Variants in AGMO observed in about 807,000 individuals in gnomAD.
AGMO encodes the protein glyceryl-ether monooxygenase.
In AGMO, 75 loss-of-function variants were observed where a neutral mutation model predicts 60.2. The ratio of observed to expected loss-of-function variants is 1.25; its 90% confidence interval spans 1.03 to 1.51. The LOEUF is 1.51. Among genes scored for constraint, AGMO ranks in the 40% most tolerant of loss-of-function variants. The pLI is 0.00. For missense variants in AGMO, 763 were observed against 525.5 expected, an observed-to-expected ratio of 1.45 and a Z score of -4.42; for synonymous variants, 261 against 177.1, an observed-to-expected ratio of 1.47 and a Z score of -3.76.
At chr7:15,457,574 C>A (rs1023935541) in intron 3 of AGMO, among the ~76,000 whole-genome samples, 8 of 152,152 alleles carry the variant, frequency 5.3e-5, no homozygotes, top group African/African-American at 1.9e-4. Flanking sequence ...TACAGGACTG[C>A]TTACAGCAAA....
intron 12 of AGMO, among the ~76,000 whole-genome samples, chr7:15,364,551 G>C (rs765082801): frequency 9.2e-5 from 14 of 151,822 alleles, no homozygotes; most frequent in Non-Finnish European, 1.8e-4. Context: ...CTAATCTTAC[G>C]TCATGACAAA....
intron 12 of AGMO, among the ~76,000 whole-genome samples, chr7:15,256,994 G>A (rs1346251291): frequency 2.0e-5 from 3 of 152,106 alleles, no homozygotes; most frequent in East Asian, 1.9e-4. Flanking sequence ...ACAAAGAGGT[G>A]CATTTCTTTT....
At position 15,375,337 on chromosome 7, in the gene AGMO, G is replaced by C. The variant is rs147156691; in HGVS notation, c.1075-9115C>G. Among the ~76,000 whole-genome samples the C allele has an allele frequency of 2.0e-3, 299 of 149,372 alleles. 3 individuals carry two copies. The East Asian group carries it at 0.037, about 19-fold the overall frequency. On this transcript the variant is annotated intron_variant, in intron 10 of 12. Coordinates refer to ENST00000342526, the MANE Select transcript of AGMO (RefSeq NM_001004320.2). Reference sequence around the variant, plus strand: ...ATTTTCCAAAATACAGAAGAGAAAAGATGTTAAAAGACTGTTTCAGAGACA... The same window carrying C: ...ATTTTCCAAAATACAGAAGAGAAAACATGTTAAAAGACTGTTTCAGAGACA...
chr7:15,499,490 AAT>A (rs1445069505), intron 3 of AGMO, among the ~76,000 whole-genome samples: 2 of 151,884 alleles, frequency 1.3e-5, no homozygotes, highest in Non-Finnish European at 2.9e-5. Flanking sequence ...AAAGCTCAAC[AAT>A]ACACACTTTT....
intron 5 of AGMO, among the ~76,000 whole-genome samples, chr7:15,402,405 T>C (rs1175343881): frequency 6.6e-6 from 1 of 151,620 alleles, no homozygotes; most frequent in East Asian, 1.9e-4. Context: ...TGTGTGCATA[T>C]GTACAAAAAT....
At chr7:15,422,306 T>C (rs1780947662) in intron 4 of AGMO, among the ~76,000 whole-genome samples, 1 of 151,876 alleles carries the variant, frequency 6.6e-6, no homozygotes, top group Non-Finnish European at 1.5e-5. Context: ...GATCTTACTA[T>C]ATTTATGGCT....
At chr7:15,510,527 C>CAT (rs201922034) in intron 3 of AGMO, among the ~76,000 whole-genome samples, 1,154 of 109,464 alleles carry the variant, frequency 0.011, 17 homozygotes, top group African/African-American at 0.036. Context: ...GAGATGCTGT[C>CAT]ATATATATAT....
chr7:15,140,063 T>TA, the AGMO span, among the ~76,000 whole-genome samples: 6 of 150,868 alleles, frequency 4.0e-5, no homozygotes, highest in South Asian at 1.2e-3. Context: ...AATTATATAT[T>TA]AACTATAGGA....
At chr7:15,195,255 A>T in the AGMO span, among the ~76,000 whole-genome samples, 1 of 152,198 alleles carries the variant, frequency 6.6e-6, no homozygotes, top group South Asian at 2.1e-4. Context: ...AAGGACATGG[A>T]AACACAAAAG....
At chr7:15,219,446 G>C (rs1484397224) in intron 12 of AGMO, among the ~76,000 whole-genome samples, 2 of 151,982 alleles carry the variant, frequency 1.3e-5, no homozygotes, top group South Asian at 2.1e-4. Context: ...CAGGAGGAAG[G>C]AAAGTTTTGG....
intron 12 of AGMO, among the ~76,000 whole-genome samples, chr7:15,216,013 A>T (rs755019744): frequency 1.3e-5 from 2 of 152,096 alleles, no homozygotes; most frequent in Non-Finnish European, 2.9e-5. Flanking sequence ...GTAACAAGCC[A>T]TCTGAATAAA....
intron 10 of AGMO, among the ~76,000 whole-genome samples, chr7:15,378,057 G>T (rs543786400): frequency 3.0e-4 from 45 of 152,070 alleles, no homozygotes; most frequent in Admixed American, 1.0e-3. Context: ...GTAACTATAT[G>T]TCCAATCATT....
At chr7:15,332,538 A>G (rs1410730275) in intron 12 of AGMO, among the ~76,000 whole-genome samples, 1 of 152,156 alleles carries the variant, frequency 6.6e-6, no homozygotes, top group Non-Finnish European at 1.5e-5. Flanking sequence ...CTTGCCCAAC[A>G]TGGCTACAGC....
intron 2 of AGMO, among the ~76,000 whole-genome samples, chr7:15,550,511 A>G (rs1784920906): frequency 6.6e-6 from 1 of 152,262 alleles, no homozygotes; most frequent in Admixed American, 6.5e-5. Context: ...CAGAAATACA[A>G]ACTACCATCA....
chr7:15,163,231 T>G, the AGMO span, among the ~76,000 whole-genome samples: 4 of 152,278 alleles, frequency 2.6e-5, no homozygotes, highest in South Asian at 2.1e-4. Context: ...GAAGGGATCT[T>G]TAGGGTTCTC....
chr7:15,533,224 G>A (rs1211199372), intron 3 of AGMO, among the ~76,000 whole-genome samples: 1 of 152,012 alleles, frequency 6.6e-6, no homozygotes, highest in Non-Finnish European at 1.5e-5. Context: ...TTCCTGTTAT[G>A]CTGTGGTTAT....
chr7:15,225,162 G>A (rs560889074), intron 12 of AGMO, among the ~76,000 whole-genome samples: 1 of 151,116 alleles, frequency 6.6e-6, no homozygotes, highest in South Asian at 2.1e-4. Flanking sequence ...ACCATCAGAC[G>A]AACATTTTTC....
intron 5 of AGMO, among the ~76,000 whole-genome samples, chr7:15,396,846 G>A (rs142741738): frequency 0.011 from 1,696 of 152,258 alleles, 23 homozygotes; most frequent in African/African-American, 0.035. Flanking sequence ...TGAGTGGTGC[G>A]TTTACAAACC....
intron 3 of AGMO, among the ~76,000 whole-genome samples, chr7:15,450,966 C>T (rs1401444689): frequency 1.3e-5 from 2 of 151,978 alleles, no homozygotes; most frequent in African/African-American, 2.4e-5. Context: ...ATAGATTATG[C>T]TAACTGTTGT....
Sources: allele counts gnomAD v4.1 joint callset (sites outside exome capture counted in the v4.1 genomes callset), GRCh38; gene constraint gnomAD v4.1.1; transcripts MANE v1.5; gene names NCBI Gene and HGNC (gene_info 2026-07-23, HGNC 2026-07-21).